Variants in GALNT7 observed in about 807,000 individuals in gnomAD.
GALNT7 encodes the protein N-acetylgalactosaminyltransferase 7.
Under a neutral mutation model 82.1 loss-of-function variants are expected in GALNT7, and 60 were observed. The ratio of observed to expected loss-of-function variants is 0.73; its 90% CI spans 0.59 to 0.91. The LOEUF (loss-of-function observed/expected upper bound fraction) is 0.91. Ranked by LOEUF, GALNT7 falls within the 40% of genes least tolerant of loss-of-function variation. The pLI is 0.00. For missense variants in GALNT7, 660 were observed against 804.2 expected, an observed-to-expected ratio of 0.82 and a Z score of 2.17; for synonymous variants, 243 against 275.1, an observed-to-expected ratio of 0.88 and a Z score of 1.15.
chr4:173,202,392 G>A (rs928514533), intron 1 of GALNT7, among the ~76,000 whole-genome samples: 3 of 152,214 alleles, frequency 2.0e-5, no homozygotes, highest in African/African-American at 7.2e-5. Context: ...GGGGAGAAGA[G>A]CCTATGAAGT....
At chr4:173,203,648 T>C (rs565522810) in intron 1 of GALNT7, among the ~76,000 whole-genome samples, 1 of 152,330 alleles carries the variant, frequency 6.6e-6, no homozygotes, top group East Asian at 1.9e-4. Context: ...TTCTTTGTGG[T>C]TACCGTTAGG....
chr4:173,184,380 C>T (rs1444567273), intron 1 of GALNT7, among the ~76,000 whole-genome samples: 1 of 152,066 alleles, frequency 6.6e-6, no homozygotes, highest in Non-Finnish European at 1.5e-5. Flanking sequence ...GCAGATCACT[C>T]GCGGTCAGGA....
At chr4:173,316,965 A>G (rs1737628249) in intron 9 of GALNT7, 1 of 152,260 alleles carries the variant, frequency 6.6e-6, no homozygotes. Context: ...AAAACCTGTT[A>G]TCATTATAGG....
intron 1 of GALNT7, among the ~76,000 whole-genome samples, chr4:173,196,554 CT>C (rs1433668988): frequency 3.3e-5 from 5 of 152,078 alleles, no homozygotes; most frequent in African/African-American, 1.2e-4. Flanking sequence ...TTTTCTTCAA[CT>C]TTTAAGTTCC....
chr4:173,300,950 A>G (rs910577719), intron 6 of GALNT7, among the ~76,000 whole-genome samples: 2 of 152,092 alleles, frequency 1.3e-5, no homozygotes, highest in Admixed American at 1.3e-4. Flanking sequence ...TCTGAGCAAC[A>G]TGGCGAAACC....
intron 5 of GALNT7, among the ~76,000 whole-genome samples, chr4:173,296,643 C>A (rs914946169): frequency 6.6e-6 from 1 of 152,154 alleles, no homozygotes; most frequent in African/African-American, 2.4e-5. Context: ...GTAATTTTCC[C>A]CAAATCAGAG....
chr4:173,265,556 C>T (rs1440394305), intron 2 of GALNT7, among the ~76,000 whole-genome samples: 1 of 151,660 alleles, frequency 6.6e-6, no homozygotes. Context: ...TACATGCTAG[C>T]TGTTTTACTA....
chr4:173,246,672 G>A (rs1734646230), intron 1 of GALNT7, among the ~76,000 whole-genome samples: 1 of 152,102 alleles, frequency 6.6e-6, no homozygotes, highest in Non-Finnish European at 1.5e-5. Flanking sequence ...TTCTATAAAG[G>A]TTTTTGCCTC....
intron 2 of GALNT7, among the ~76,000 whole-genome samples, chr4:173,253,765 C>T (rs763052905): frequency 6.6e-6 from 1 of 152,210 alleles, no homozygotes; most frequent in African/African-American, 2.4e-5. Context: ...TTTACCTGAA[C>T]TGGTCTGCTG....
intron 1 of GALNT7, among the ~76,000 whole-genome samples, chr4:173,237,195 T>C (rs1025763046): frequency 6.6e-6 from 1 of 152,206 alleles, no homozygotes; most frequent in African/African-American, 2.4e-5. Context: ...TTTTTTTCCC[T>C]GGGGTGGTTA....
At chr4:173,221,182 A>G (rs549655247) in intron 1 of GALNT7, among the ~76,000 whole-genome samples, 26 of 152,054 alleles carry the variant, frequency 1.7e-4, no homozygotes, top group African/African-American at 6.0e-4. Flanking sequence ...TGACTTTTTA[A>G]TGATCGCCAT....
intron 1 of GALNT7, among the ~76,000 whole-genome samples, chr4:173,240,781 C>T (rs1734403568): frequency 6.6e-6 from 1 of 152,156 alleles, no homozygotes; most frequent in Non-Finnish European, 1.5e-5. Context: ...CTGGTGGGAA[C>T]AAACCTGTTT....
chr4:173,236,980 G>A (rs754664355), intron 1 of GALNT7, among the ~76,000 whole-genome samples: 87 of 152,258 alleles, frequency 5.7e-4, no homozygotes, highest in Non-Finnish European at 9.6e-4. Context: ...TCCTTCTTGA[G>A]AACAGACCTC....
rs1734234009 is a variant in GALNT7, at chr4:173,236,480, A to G, written c.127-11500A>G. 1.3e-5 allele frequency among the ~76,000 whole-genome samples: 2 copies of G among 152,120 alleles called. 1 individual carries two copies. Among genetic ancestry groups the G allele is most frequent in the South Asian group, 4.1e-4 (2 of 4,824 alleles). On this transcript the variant is annotated intron_variant, in intron 1 of 11. Transcript: ENST00000265000. ...ACTCATTTGCTCTATCCGAGTACTCATTCCAAAATTCAGCTTTGATCTCAT... is the reference window on the plus strand; with the variant it reads ...ACTCATTTGCTCTATCCGAGTACTCGTTCCAAAATTCAGCTTTGATCTCAT...
In GALNT7 at chr4:173,302,244, G is replaced by A. The variant is rs1736969441; in HGVS notation, c.1266+80G>A. 5.2e-6 allele frequency: 4 copies of A among 764,124 alleles called. No homozygotes were observed. The highest frequency in any genetic ancestry group is 4.4e-5 in the South Asian group (3 of 67,852). The allele number at this position is 764,124 out of a possible 1,614,324, so 47.3% of individuals were successfully genotyped here. ...CTTTCAGATAAAGCTAGTTTTTTGTGGGGGAAAAAAGCCCACAATTATATC... is the reference window on the plus strand; with the variant it reads ...CTTTCAGATAAAGCTAGTTTTTTGTAGGGGAAAAAAGCCCACAATTATATC... On this transcript the variant is annotated intron_variant, in intron 7 of 11. Coordinates refer to ENST00000265000, the MANE Select transcript of GALNT7 (RefSeq NM_017423.3). This position sits in a 1 kb window ranked among gnomAD's most constrained non-coding sequence, Gnocchi z 4.2.
At chr4:173,287,545 CAG>C (rs1327597928) in intron 2 of GALNT7, among the ~76,000 whole-genome samples, 1 of 152,254 alleles carries the variant, frequency 6.6e-6, no homozygotes, top group Non-Finnish European at 1.5e-5. Context: ...TCCTTCTCTT[CAG>C]AGTGACCCAA....
At chr4:173,201,200 A>G (rs1397615569) in intron 1 of GALNT7, among the ~76,000 whole-genome samples, 1 of 151,910 alleles carries the variant, frequency 6.6e-6, no homozygotes, top group African/African-American at 2.4e-5. Context: ...TTTTCTCCTG[A>G]TTTTCTGGCC....
intron 1 of GALNT7, among the ~76,000 whole-genome samples, chr4:173,185,691 G>T (rs570897612): frequency 6.6e-6 from 1 of 152,104 alleles, no homozygotes; most frequent in African/African-American, 2.4e-5. Context: ...GAAGTAGTGG[G>T]GGTTAAATCT....
At chr4:173,276,365 G>T (rs1268169713) in intron 2 of GALNT7, among the ~76,000 whole-genome samples, 1 of 152,028 alleles carries the variant, frequency 6.6e-6, no homozygotes, top group Non-Finnish European at 1.5e-5. Flanking sequence ...ACCTTCACAG[G>T]GATTGATTGA....
Sources: gnomAD v4.1 joint callset for allele counts (sites outside exome capture counted in the v4.1 genomes callset) on GRCh38, gnomAD v4.1.1 for gene constraint, Gnocchi (gnomAD v3.1) non-coding constraint, MANE v1.5 for transcripts, NCBI Gene and HGNC (gene_info 2026-07-23, HGNC 2026-07-21) for gene names.